The following PIAS1 variants were observed in gnomAD, a reference collection of about 807,000 sequenced individuals.
PIAS1 encodes protein inhibitor of activated STAT 1.
In PIAS1, 6 loss-of-function variants were observed where a neutral mutation model predicts 71.3. That is an observed-to-expected ratio of 0.08 (90% CI 0.05 to 0.17). The LOEUF (loss-of-function observed/expected upper bound fraction) is 0.17, where lower values mean the gene tolerates loss of function less well. PIAS1 is among the 10% of genes least tolerant of loss of function. The pLI, the probability that PIAS1 is intolerant of heterozygous loss-of-function variation, is 1.00. For missense variants in PIAS1, 555 were observed against 793.6 expected (o/e 0.70, Z 3.61); for synonymous variants, 303 against 292.9 (o/e 1.03, Z -0.35).
chr15:68,138,722 G>A (rs113079429), intron 2 of PIAS1, among the ~76,000 whole-genome samples: 3,392 of 152,268 alleles, frequency 0.022, 60 homozygotes, highest in South Asian at 0.035. Context: ...TGATCTGCCC[G>A]CCTCAGTCTC....
chr15:68,170,830 G>A (rs919848289), intron 8 of PIAS1, among the ~76,000 whole-genome samples: 2 of 151,934 alleles, frequency 1.3e-5, no homozygotes, highest in South Asian at 2.1e-4. Flanking sequence ...TAGTAGAGAC[G>A]GAGTTGCGCC....
chr15:68,109,849 A>G (rs1355744103), intron 2 of PIAS1, among the ~76,000 whole-genome samples: 1 of 152,202 alleles, frequency 6.6e-6, no homozygotes, highest in Non-Finnish European at 1.5e-5. Context: ...ATAAGCACAC[A>G]AGAAATGTCT....
chr15:68,084,017 T>G (rs1298256958), intron 1 of PIAS1, among the ~76,000 whole-genome samples: 1 of 152,164 alleles, frequency 6.6e-6, no homozygotes, highest in African/African-American at 2.4e-5. Flanking sequence ...TTTATTGTTG[T>G]GTCATAAACT....
chr15:68,131,089 G>C (rs1379540603), intron 2 of PIAS1, among the ~76,000 whole-genome samples: 1 of 152,012 alleles, frequency 6.6e-6, no homozygotes. Context: ...GTAAGCACGC[G>C]GACTTCTGAC....
intron 1 of PIAS1, among the ~76,000 whole-genome samples, chr15:68,059,583 C>T (rs893295265): frequency 1.3e-5 from 2 of 151,488 alleles, no homozygotes; most frequent in Non-Finnish European, 2.9e-5. Context: ...TGGTGGTGGG[C>T]GCCTGTAATC....
Position 68,054,626 on chromosome 15 carries a change from G to T in PIAS1, c.24+276G>T. 2.7e-6 allele frequency: 1 copy of T among 375,610 alleles called. No individual in the cohort carries two copies. Among genetic ancestry groups the T allele is most frequent in the Non-Finnish European group, 4.8e-6 (1 of 209,440 alleles). 23.3% of individuals were successfully genotyped at this position (375,610 alleles called of 1,614,324 possible). On this transcript the variant is annotated intron_variant, in intron 1 of 13. Transcript: ENST00000249636. This position sits in a 1 kb window ranked among gnomAD's most constrained non-coding sequence, Gnocchi z 4.6. Reference sequence around the variant, plus strand: ...TGGCGGGGGAAGAGATAGGGAGTCCGGAGGTAGGGGCTGCAGCTGTCTCAT... The same window carrying T: ...TGGCGGGGGAAGAGATAGGGAGTCCTGAGGTAGGGGCTGCAGCTGTCTCAT...
At chr15:68,150,742 A>G (rs117842618) in intron 6 of PIAS1, among the ~76,000 whole-genome samples, 4,499 of 152,280 alleles carry the variant, frequency 0.03, 76 homozygotes, top group Non-Finnish European at 0.046. Flanking sequence ...GAAAATCTGA[A>G]ACACAAGATG....
chr15:68,062,299 A>G (rs901829041), intron 1 of PIAS1, among the ~76,000 whole-genome samples: 1 of 152,200 alleles, frequency 6.6e-6, no homozygotes, highest in Admixed American at 6.5e-5. Flanking sequence ...TCTTAGAGGG[A>G]ATCATTTTGG....
chr15:68,181,585 A>G (rs1317616339), intron 12 of PIAS1: 3 of 429,590 alleles, frequency 7.0e-6, no homozygotes, highest in African/African-American at 6.0e-5. Flanking sequence ...TAGTGCAATA[A>G]TCTTTAGTTT....
chr15:68,153,859 A>G (rs748739074), intron 7 of PIAS1, 164 bp downstream of exon 7: 3 of 429,136 alleles, frequency 7.0e-6, no homozygotes, highest in African/African-American at 2.0e-5. Context: ...TTTATAATCT[A>G]TATTTTACTA....
intron 2 of PIAS1, among the ~76,000 whole-genome samples, chr15:68,134,953 G>A (rs377187453): frequency 9.8e-5 from 5 of 50,926 alleles, no homozygotes; most frequent in African/African-American, 2.1e-4. Flanking sequence ...CGGACGGGGC[G>A]GCCGGCCGGG....
chr15:68,161,175 T>G (rs1343670539), intron 7 of PIAS1, among the ~76,000 whole-genome samples: 1 of 152,148 alleles, frequency 6.6e-6, no homozygotes, highest in Non-Finnish European at 1.5e-5. Context: ...AATTGGAAAT[T>G]GAAATTCAAA....
chr15:68,153,252 G>A (rs1182479475), intron 6 of PIAS1, among the ~76,000 whole-genome samples: 1 of 152,078 alleles, frequency 6.6e-6, no homozygotes, highest in African/African-American at 2.4e-5. Flanking sequence ...TCATGTAAGT[G>A]CCTTAAATTC....
At position 68,061,634 on chromosome 15, in the gene PIAS1, T is replaced by G. The variant is rs147867666; in HGVS notation, c.24+7284T>G. Among the ~76,000 whole-genome samples the G allele has an allele frequency of 1.1e-3, 172 of 152,334 alleles. 3 individuals carry two copies. The East Asian group carries it at 0.032, about 28-fold the overall frequency. On this transcript the variant is annotated intron_variant, in intron 1 of 13. Coordinates refer to ENST00000249636, the MANE Select transcript of PIAS1 (RefSeq NM_016166.3). ...TGTAAACGTTCCTATTTTTGAAAAC[T>G]TAATCTCTTTTTTACCTTTTTTGCT...
intron 7 of PIAS1, among the ~76,000 whole-genome samples, chr15:68,159,700 A>G (rs1010587519): frequency 6.6e-6 from 1 of 152,172 alleles, no homozygotes; most frequent in Admixed American, 6.5e-5. Flanking sequence ...AATGATGGAC[A>G]TTTATCCATC....
rs201757438 is a variant in PIAS1, at chr15:68,171,908, A to AT, written c.1009-1817dup. On this transcript the variant is annotated intron_variant, in intron 8 of 13. Transcript: ENST00000249636. The surrounding 1 kb of genome is among the most constrained non-coding windows in gnomAD (Gnocchi z 4.4). ...GCCTTTATATTTTTCTTTCATATAT[A>AT]TTTTTTTCTTTTATATGTTTTATAT... 3.3e-5 allele frequency among the ~76,000 whole-genome samples: 5 copies of AT among 151,162 alleles called. No individual in the cohort carries two copies. The highest frequency in any genetic ancestry group is 2.0e-4 in the Admixed American group (3 of 15,186).
intron 1 of PIAS1, among the ~76,000 whole-genome samples, chr15:68,069,908 C>T (rs2092075489): frequency 1.3e-5 from 2 of 151,644 alleles, no homozygotes; most frequent in Admixed American, 1.3e-4. Flanking sequence ...TTATAGAGAG[C>T]AGATGTTTTA....
intron 2 of PIAS1, among the ~76,000 whole-genome samples, chr15:68,108,393 C>G (rs2092491017): frequency 6.6e-6 from 1 of 152,140 alleles, no homozygotes; most frequent in Non-Finnish European, 1.5e-5. Flanking sequence ...TGTCACTTGA[C>G]TTCCAGGATT....
At position 68,178,743 on chromosome 15, in the gene PIAS1, TTAATAG is replaced by T. The variant is rs1478626506; in HGVS notation, c.1481+2095_1481+2100del. 6.6e-6 allele frequency among the ~76,000 whole-genome samples: 1 copy of T among 152,182 alleles called. No homozygotes were observed. Among genetic ancestry groups the T allele is most frequent in the Non-Finnish European group, 1.5e-5 (1 of 68,014 alleles). On this transcript the variant is annotated intron_variant, in intron 11 of 13. Coordinates refer to ENST00000249636, the MANE Select transcript of PIAS1 (RefSeq NM_016166.3). The surrounding 1 kb of genome is among the most constrained non-coding windows in gnomAD (Gnocchi z 4.2). Reference sequence around the variant, plus strand: ...TATATTTGTTCTGTTCTTTAGACTATTAATAGTAATATGTATTTATGTAAACTATGC... The same window carrying T: ...TATATTTGTTCTGTTCTTTAGACTATTAATATGTATTTATGTAAACTATGC...
Sources: allele counts gnomAD v4.1 joint callset (sites outside exome capture counted in the v4.1 genomes callset), GRCh38; gene constraint gnomAD v4.1.1; non-coding constraint Gnocchi (gnomAD v3.1); transcripts MANE v1.5; gene names NCBI Gene and HGNC (gene_info 2026-07-23, HGNC 2026-07-21).